GRIN2B: variants seen among roughly 807,000 people sequenced by gnomAD.
GRIN2B encodes the protein glutamate ionotropic receptor NMDA type subunit 2B, also known as glutamate receptor ionotropic, NMDA 2B.
In GRIN2B, 5 loss-of-function variants were observed where a neutral mutation model predicts 114.5. The observed-to-expected ratio is 0.04, with a 90% CI of 0.02 to 0.09. The LOEUF is 0.09. Among genes scored for constraint, GRIN2B ranks in the 10% least tolerant of loss-of-function variants. The pLI, the probability that GRIN2B is intolerant of heterozygous loss-of-function variation, is 1.00. For missense variants in GRIN2B, 1,108 were observed against 1,943.5 expected (o/e 0.57, Z 8.08); for synonymous variants, 787 against 745.1 (o/e 1.06, Z -0.92).
Position 13,543,316 on chromosome 12 carries a change from C to T in GRIN2B, c.*19467G>A, listed in dbSNP as rs899275830. The T allele has an allele frequency of 1.3e-5, 2 of 152,238 alleles. No homozygotes were observed. The highest frequency in any genetic ancestry group is 2.4e-5 in the African/African-American group (1 of 41,412). The allele number at this position is 152,238 out of a possible 1,614,324, so 9.4% of individuals were successfully genotyped here. On this transcript the variant is annotated 3_prime_UTR_variant, in exon 14 of 14. Coordinates refer to ENST00000609686, the MANE Select transcript of GRIN2B (RefSeq NM_000834.5). ...CCACCTCCTAATTTCTACGTTATTG[C>T]TTCTGACTCACTAACTGAGTGATCC...
chr12:13,680,186 C>T (rs1413686484), intron 4 of GRIN2B, among the ~76,000 whole-genome samples: 1 of 152,002 alleles, frequency 6.6e-6, no homozygotes, highest in East Asian at 1.9e-4. Context: ...TTCCATAAGA[C>T]CTGAAAATAT....
intron 4 of GRIN2B, among the ~76,000 whole-genome samples, chr12:13,699,339 C>T (rs1181762651): frequency 6.6e-6 from 1 of 152,112 alleles, no homozygotes; most frequent in African/African-American, 2.4e-5. Context: ...ATGGTGACCA[C>T]TAGGGTCTCC....
intron 4 of GRIN2B, among the ~76,000 whole-genome samples, chr12:13,716,235 A>T (rs1950453950): frequency 6.6e-6 from 1 of 151,962 alleles, no homozygotes; most frequent in Admixed American, 6.6e-5. Context: ...GATTAAATGC[A>T]GAAATGGGAC....
intron 2 of GRIN2B, among the ~76,000 whole-genome samples, chr12:13,904,052 C>G (rs2136790592): frequency 6.6e-6 from 1 of 151,994 alleles, no homozygotes; most frequent in African/African-American, 2.4e-5. Context: ...CACTCAGTAC[C>G]ATTATGTTTT....
chr12:13,978,894 G>C (rs1472243795), intron 2 of GRIN2B, among the ~76,000 whole-genome samples: 1 of 152,148 alleles, frequency 6.6e-6, no homozygotes, highest in Non-Finnish European at 1.5e-5. Flanking sequence ...CTCTTCTCAA[G>C]TACATTAAAA....
intron 10 of GRIN2B, among the ~76,000 whole-genome samples, chr12:13,575,962 T>A (rs1352531319): frequency 6.6e-6 from 1 of 152,198 alleles, no homozygotes; most frequent in African/African-American, 2.4e-5. Context: ...GTTCTAACAT[T>A]TAAAATTGTC....
intron 2 of GRIN2B, among the ~76,000 whole-genome samples, chr12:13,912,976 G>T (rs1349445770): frequency 2.0e-5 from 3 of 152,104 alleles, no homozygotes; most frequent in Admixed American, 2.0e-4. Flanking sequence ...AGTGGGTTTG[G>T]TAACTCCTCA....
intron 5 of GRIN2B, among the ~76,000 whole-genome samples, chr12:13,620,933 C>T (rs1279741309): frequency 8.1e-6 from 1 of 122,750 alleles, no homozygotes; most frequent in Non-Finnish European, 1.7e-5. Context: ...TCCTTGAGTA[C>T]TGAAAGGTGA....
chr12:13,679,354 A>T (rs1950107720), intron 4 of GRIN2B, among the ~76,000 whole-genome samples: 1 of 152,176 alleles, frequency 6.6e-6, no homozygotes, highest in African/African-American at 2.4e-5. Context: ...CAAGTTGAGA[A>T]ATTTGAACTT....
intron 10 of GRIN2B, among the ~76,000 whole-genome samples, chr12:13,577,765 A>C (rs752906535): frequency 1.3e-5 from 2 of 152,190 alleles, no homozygotes; most frequent in African/African-American, 4.8e-5. Context: ...CCCAGCATCT[A>C]TTAGGGCAGG....
chr12:13,843,910 A>G (rs1865428207), intron 3 of GRIN2B, among the ~76,000 whole-genome samples: 1 of 152,188 alleles, frequency 6.6e-6, no homozygotes, highest in African/African-American at 2.4e-5. Flanking sequence ...AGTGATGTTT[A>G]ATACTCATTT....
intron 5 of GRIN2B, among the ~76,000 whole-genome samples, chr12:13,641,767 A>C (rs1164087959): frequency 6.6e-6 from 1 of 152,204 alleles, no homozygotes; most frequent in African/African-American, 2.4e-5. Context: ...AATGAAGTTC[A>C]GTTTAGAAAA....
chr12:13,852,497 T>C (rs1273162946), intron 3 of GRIN2B, among the ~76,000 whole-genome samples: 1 of 152,044 alleles, frequency 6.6e-6, no homozygotes, highest in Non-Finnish European at 1.5e-5. Context: ...ACCTGCATAA[T>C]ACACCTATCA....
In GRIN2B at chr12:13,563,200, C is replaced by T. The variant is rs201214704; in HGVS notation, c.4038G>A (p.Glu1346=). The change falls in exon 14 of 14, where the codon GAG becomes GAA. Residue 1346 remains glutamate, a synonymous_variant. Transcript: ENST00000609686. ...YAHMFEMSAG[E]STFANNKSSV... ...AGGACTTGTTGTTGGCAAAGGTGCTCTCGCCAGCTGACATCTCAAACATGT... is the reference window on the plus strand; with the variant it reads ...AGGACTTGTTGTTGGCAAAGGTGCTTTCGCCAGCTGACATCTCAAACATGT... 2 of 1,614,200 alleles carry T rather than the reference C, an allele frequency of 1.2e-6. No homozygotes were observed. Among genetic ancestry groups the T allele is most frequent in the East Asian group, 2.2e-5 (1 of 44,874 alleles).
intron 2 of GRIN2B, among the ~76,000 whole-genome samples, chr12:13,966,523 A>G (rs1867792426): frequency 6.6e-6 from 1 of 152,172 alleles, no homozygotes; most frequent in African/African-American, 2.4e-5. Flanking sequence ...TGTTCTCTAA[A>G]TATTCTAGAA....
Position 13,980,172 on chromosome 12 carries a change from T to A in GRIN2B, c.-263A>T, listed in dbSNP as rs1306175501. 2.0e-5 allele frequency: 3 copies of A among 152,206 alleles called. No homozygotes were observed. Among genetic ancestry groups the A allele is most frequent in the Non-Finnish European group, 4.4e-5 (3 of 68,038 alleles). The allele number at this position is 152,206 out of a possible 1,614,324, so 9.4% of individuals were successfully genotyped here. On this transcript the variant is annotated 5_prime_UTR_variant, in exon 2 of 14. Transcript: ENST00000609686. ...TCAGGGTATGGAGAGCAGCTCACAA[T>A]GCAGAATCCAGAGTAATTATTCCGT...
chr12:13,824,624 G>A (rs1864996280), intron 3 of GRIN2B, among the ~76,000 whole-genome samples: 1 of 152,038 alleles, frequency 6.6e-6, no homozygotes, highest in Non-Finnish European at 1.5e-5. Flanking sequence ...GGAGGCCGAG[G>A]CAGGCGGATC....
intron 3 of GRIN2B, among the ~76,000 whole-genome samples, chr12:13,804,603 A>T (rs220577): frequency 0.97 from 148,288 of 152,144 alleles, 72,377 homozygotes; most frequent in Middle Eastern, 1. Context: ...AATTCAAATA[A>T]CATTTTCTCC....
chr12:13,801,548 A>C (rs910147329), intron 3 of GRIN2B, among the ~76,000 whole-genome samples: 7 of 152,174 alleles, frequency 4.6e-5, no homozygotes, highest in African/African-American at 1.7e-4. Flanking sequence ...ATCTAATATG[A>C]AAACAAAGTC....
Sources: allele counts gnomAD v4.1 joint callset (sites outside exome capture counted in the v4.1 genomes callset), GRCh38; gene constraint gnomAD v4.1.1; transcripts MANE v1.5; gene names NCBI Gene and HGNC (gene_info 2026-07-23, HGNC 2026-07-21).